PEAK1: variants seen among roughly 807,000 people sequenced by gnomAD.
The protein encoded by PEAK1 is pseudopodium enriched atypical kinase 1.
A neutral mutation model predicts 124.7 loss-of-function variants in PEAK1; 54 were observed. That is an observed-to-expected ratio of 0.43 (90% CI 0.35 to 0.54). The LOEUF (loss-of-function observed/expected upper bound fraction) is 0.54. Among genes scored for constraint, PEAK1 ranks in the 20% least tolerant of loss-of-function variants. The pLI, the probability that PEAK1 is intolerant of heterozygous loss-of-function variation, is 0.01. For missense variants in PEAK1, 2,046 were observed against 2,134.5 expected, an observed-to-expected ratio of 0.96 and a Z score of 0.82; for synonymous variants, 719 against 760.0, an observed-to-expected ratio of 0.95 and a Z score of 0.89.
At chr15:77,347,464 T>A (rs1021355764) in intron 2 of PEAK1, 3 of 985,220 alleles carry the variant, frequency 3.0e-6, no homozygotes. Flanking sequence ...AAGATCAACA[T>A]CTAGGGCTGG....
intron 2 of PEAK1, among the ~76,000 whole-genome samples, chr15:77,302,930 A>T (rs891414715): frequency 1.3e-5 from 2 of 151,620 alleles, no homozygotes; most frequent in Non-Finnish European, 2.9e-5. Flanking sequence ...CTTCCCATCA[A>T]CTCCTTGCTC....
chr15:77,337,543 G>A, intron 2 of PEAK1: 1 of 984,982 alleles, frequency 1.0e-6, no homozygotes, highest in Non-Finnish European at 1.2e-6. Context: ...AAGATAAGAT[G>A]TAGTCTGGCA....
At chr15:77,223,592 A>G (rs1478209744) in intron 6 of PEAK1, among the ~76,000 whole-genome samples, 1 of 152,056 alleles carries the variant, frequency 6.6e-6, no homozygotes, top group African/African-American at 2.4e-5. Flanking sequence ...TGTCAAGACA[A>G]AAGGTCTTGT....
chr15:77,407,926 T>C (rs543610658), intron 1 of PEAK1, among the ~76,000 whole-genome samples: 22 of 148,312 alleles, frequency 1.5e-4, no homozygotes, highest in African/African-American at 5.1e-4. Context: ...CATATATACA[T>C]ATATACACAC....
At chr15:77,306,583 C>T (rs1225385613) in intron 2 of PEAK1, among the ~76,000 whole-genome samples, 1 of 152,128 alleles carries the variant, frequency 6.6e-6, no homozygotes, top group Non-Finnish European at 1.5e-5. Context: ...TTTGAACTGC[C>T]TAATCATTCC....
intron 7 of PEAK1, among the ~76,000 whole-genome samples, chr15:77,170,328 T>C (rs1010493209): frequency 6.6e-6 from 1 of 152,106 alleles, no homozygotes; most frequent in Admixed American, 6.5e-5. Flanking sequence ...AATTTTAAGA[T>C]AGTCCCAATT....
intron 1 of PEAK1, among the ~76,000 whole-genome samples, chr15:77,392,929 G>C (rs2141939223): frequency 6.6e-6 from 1 of 152,304 alleles, no homozygotes; most frequent in South Asian, 2.1e-4. Context: ...CCCCCATCCT[G>C]TGTGGCATGG....
rs114170294 is a variant in PEAK1, at chr15:77,149,133, G to C, written c.3331+9370C>G. Among the ~76,000 whole-genome samples the C allele has an allele frequency of 4.3e-3, 649 of 152,282 alleles. 1 individual carries two copies. Among genetic ancestry groups the C allele is most frequent in the African/African-American group, 0.013 (554 of 41,562 alleles). ...AAATAGCCAGCCCACAATCATGCAA[G>C]TGGGCAATGACACAGCTCTTATAGA... On this transcript the variant is annotated intron_variant, in intron 8 of 9. Transcript: ENST00000682557.
At chr15:77,234,525 G>A (rs1173818497) in intron 6 of PEAK1, among the ~76,000 whole-genome samples, 2 of 152,030 alleles carry the variant, frequency 1.3e-5, no homozygotes, top group Non-Finnish European at 2.9e-5. Context: ...AATAGTAAAA[G>A]GAATAAATCA....
intron 1 of PEAK1, chr15:77,404,321 T>A: frequency 1.0e-6 from 1 of 985,380 alleles, no homozygotes; most frequent in Middle Eastern, 5.2e-4. Context: ...GGAAATTCCA[T>A]GTTCTAGGAC....
chr15:77,133,368 T>C lies in PEAK1; in HGVS notation c.3714A>G (p.Leu1238=), dbSNP rs184935666. 97 of 1,614,218 alleles carry C rather than the reference T, an allele frequency of 6.0e-5. No individual in the cohort carries two copies. In the Middle Eastern group the frequency reaches 3.8e-3, roughly 63 times the overall value. The change falls in exon 9 of 10, where the codon TTA becomes TTG. Residue 1238 remains leucine (L), a synonymous_variant. Coordinates refer to ENST00000682557, the MANE Select transcript of PEAK1 (RefSeq NM_001385026.1). This position sits in a 1 kb window ranked among gnomAD's most constrained non-coding sequence, Gnocchi z 4.2. ...ATCTATCCTTAATACTGAGAGTGGT[T>C]AAGCTGGAAATGCTGTTTGCTGCTG... The part of the protein sequence containing the change: ...VPSAANSISS[L]TTLSIKDRFS...
chr15:77,325,095 C>CA (rs1420050879), intron 2 of PEAK1, among the ~76,000 whole-genome samples: 17 of 152,138 alleles, frequency 1.1e-4, no homozygotes, highest in African/African-American at 4.1e-4. Context: ...GAAACAAAAA[C>CA]AAAAAAACAG....
intron 5 of PEAK1, among the ~76,000 whole-genome samples, chr15:77,266,401 G>A (rs1054960254): frequency 3.3e-5 from 5 of 152,078 alleles, no homozygotes; most frequent in African/African-American, 4.8e-5. Flanking sequence ...CAGAACAGGC[G>A]CCTCCTGCCA....
chr15:77,231,751 G>A lies in PEAK1; in HGVS notation c.-115+20616C>T, dbSNP rs189904151. Among the ~76,000 whole-genome samples, 4 of 152,214 alleles carry A rather than the reference G, an allele frequency of 2.6e-5. No individual in the cohort carries two copies. The East Asian group carries it at 7.7e-4, about 29-fold the overall frequency. ...AAATTGTAACATATGGAGGTAGAAT[G>A]CAACAGCTGTTCATCTAATAATATA... On this transcript the variant is annotated intron_variant, in intron 6 of 9. Coordinates refer to ENST00000682557, the MANE Select transcript of PEAK1 (RefSeq NM_001385026.1).
intron 2 of PEAK1, among the ~76,000 whole-genome samples, chr15:77,287,684 T>C (rs2062998168): frequency 6.6e-6 from 1 of 152,150 alleles, no homozygotes; most frequent in Non-Finnish European, 1.5e-5. Flanking sequence ...ATCCTAACCT[T>C]TCACCTGAGC....
At chr15:77,126,659 T>C (rs1399358763) in intron 9 of PEAK1, among the ~76,000 whole-genome samples, 2 of 152,186 alleles carry the variant, frequency 1.3e-5, no homozygotes, top group African/African-American at 4.8e-5. Flanking sequence ...AACAATCATC[T>C]GAGATAAGTA....
At chr15:77,414,208 T>TGTC (rs2072679715) in intron 1 of PEAK1, among the ~76,000 whole-genome samples, 1 of 103,120 alleles carries the variant, frequency 9.7e-6, no homozygotes, top group Non-Finnish European at 2.0e-5. Flanking sequence ...TCTTTCCTTC[T>TGTC]TTTTTTTTTT....
chr15:77,382,139 CTATCTT>C (rs1456671361), intron 1 of PEAK1, among the ~76,000 whole-genome samples: 3 of 152,238 alleles, frequency 2.0e-5, no homozygotes, highest in South Asian at 4.1e-4. Context: ...ATCTCTATCT[CTATCTT>C]TAACTTTAGT....
At chr15:77,262,275 T>C (rs1361126379) in intron 5 of PEAK1, among the ~76,000 whole-genome samples, 1 of 152,104 alleles carries the variant, frequency 6.6e-6, no homozygotes, top group East Asian at 1.9e-4. Flanking sequence ...ACTTTAAATG[T>C]AAATGGGCTA....
Sources: gnomAD v4.1 joint callset for allele counts (sites outside exome capture counted in the v4.1 genomes callset) on GRCh38, gnomAD v4.1.1 for gene constraint, Gnocchi (gnomAD v3.1) non-coding constraint, MANE v1.5 for transcripts, NCBI Gene and HGNC (gene_info 2026-07-23, HGNC 2026-07-21) for gene names.